The following GRIK1 variants were observed in gnomAD, a reference collection of about 807,000 sequenced individuals.
The protein encoded by GRIK1 is glutamate ionotropic receptor kainate type subunit 1, also known as glutamate receptor ionotropic, kainate 1.
Under a neutral mutation model 105.7 loss-of-function variants are expected in GRIK1, and 69 were observed. The ratio of observed to expected loss-of-function variants is 0.65; its 90% CI spans 0.54 to 0.80. The LOEUF (loss-of-function observed/expected upper bound fraction) is 0.80, where lower values mean the gene tolerates loss of function less well. Among genes scored for constraint, GRIK1 ranks in the 30% least tolerant of loss-of-function variants. GRIK1 has a pLI of 0.00. For synonymous variants in GRIK1, 438 were observed against 431.3 expected, an observed-to-expected ratio of 1.02 and a Z score of -0.19; for missense variants, 1,109 against 1,167.3, an observed-to-expected ratio of 0.95 and a Z score of 0.73.
In GRIK1 at chr21:29,791,588, A is replaced by G. The variant is rs114709292; in HGVS notation, c.119-97525T>C. On this transcript the variant is annotated intron_variant, in intron 1 of 17. Transcript: ENST00000327783. ...CCACGCATGATGTTGAACTGTATGA[A>G]AAGCAAGCCTCAAGACTTTTACTGG... Among the ~76,000 whole-genome samples the G allele has an allele frequency of 4.2e-3, 640 of 152,296 alleles. 4 individuals carry two copies. The highest frequency in any genetic ancestry group is 0.015 in the African/African-American group (612 of 41,562).
intron 1 of GRIK1, among the ~76,000 whole-genome samples, chr21:29,846,421 G>T (rs1455588550): frequency 1.6e-5 from 2 of 126,338 alleles, no homozygotes; most frequent in Non-Finnish European, 3.4e-5. Flanking sequence ...GAGAAAGAAA[G>T]AAAAAAATAA....
intron 1 of GRIK1, among the ~76,000 whole-genome samples, chr21:29,820,071 G>A (rs2067257782): frequency 6.6e-6 from 1 of 151,966 alleles, no homozygotes; most frequent in African/African-American, 2.4e-5. Flanking sequence ...AACAGCAACT[G>A]CAACTGCCAT....
intron 12 of GRIK1, among the ~76,000 whole-genome samples, chr21:29,585,866 C>T (rs78444133): frequency 0.027 from 4,115 of 152,220 alleles, 157 homozygotes; most frequent in African/African-American, 0.085. Context: ...TTAATTGTTT[C>T]GAGCATGGTT....
chr21:29,911,379 C>G (rs1206813306), intron 1 of GRIK1, among the ~76,000 whole-genome samples: 2 of 151,926 alleles, frequency 1.3e-5, no homozygotes, highest in Non-Finnish European at 1.5e-5. Context: ...TCATTGAAGG[C>G]CTTGGAACTG....
intron 1 of GRIK1, among the ~76,000 whole-genome samples, chr21:29,707,013 C>T (rs1033360421): frequency 5.9e-5 from 9 of 152,208 alleles, no homozygotes; most frequent in Admixed American, 2.0e-4. Context: ...TACAGGTGCC[C>T]GCCACCGCGC....
At chr21:29,616,946 T>C (rs558491458) in intron 7 of GRIK1, among the ~76,000 whole-genome samples, 25 of 152,180 alleles carry the variant, frequency 1.6e-4, no homozygotes, top group Non-Finnish European at 3.1e-4. Context: ...TTAGAATAGG[T>C]TGGGCTTGTT....
intron 1 of GRIK1, among the ~76,000 whole-genome samples, chr21:29,730,840 T>G (rs55959992): frequency 0.085 from 12,891 of 152,174 alleles, 1,116 homozygotes; most frequent in African/African-American, 0.21. Flanking sequence ...CTTCAAAAAA[T>G]TCATTAAAAA....
intron 1 of GRIK1, among the ~76,000 whole-genome samples, chr21:29,743,525 G>A (rs968025094): frequency 4.6e-5 from 7 of 151,926 alleles, no homozygotes; most frequent in African/African-American, 1.5e-4. Flanking sequence ...GTGAAACTCC[G>A]TCTGTACTAA....
At position 29,711,691 on chromosome 21, in the gene GRIK1, G is replaced by A. The variant is rs562839157; in HGVS notation, c.119-17628C>T. 2.6e-5 allele frequency among the ~76,000 whole-genome samples: 4 copies of A among 152,016 alleles called. No homozygotes were observed. In the South Asian group the frequency reaches 8.3e-4, roughly 32 times the overall value. On this transcript the variant is annotated intron_variant, in intron 1 of 17. Transcript: ENST00000327783. ...ATTTGTTAAAGCATTGGGTTTGTAG[G>A]TTTACTGCTCTATGTAACTCTGGCT...
intron 1 of GRIK1, among the ~76,000 whole-genome samples, chr21:29,764,617 C>G (rs563448939): frequency 6.6e-6 from 1 of 152,264 alleles, no homozygotes; most frequent in Admixed American, 6.5e-5. Flanking sequence ...CCAAATTCCC[C>G]TAGGCAAGGT....
At chr21:29,792,562 T>G (rs560274173) in intron 1 of GRIK1, among the ~76,000 whole-genome samples, 41 of 152,216 alleles carry the variant, frequency 2.7e-4, no homozygotes, top group Non-Finnish European at 4.1e-4. Flanking sequence ...ACTCCATAAA[T>G]GTATGCTGAA....
At chr21:29,566,583 C>T (rs59640953) in intron 14 of GRIK1, among the ~76,000 whole-genome samples, 7,973 of 152,222 alleles carry the variant, frequency 0.052, 253 homozygotes, top group Admixed American at 0.12. Context: ...CCCTATAATA[C>T]ATTCAAGTTA....
chr21:29,668,340 C>T lies in GRIK1; in HGVS notation c.726+4643G>A, dbSNP rs74791830. 5.2e-3 allele frequency among the ~76,000 whole-genome samples: 789 copies of T among 152,226 alleles called. 8 individuals carry two copies. The highest frequency in any genetic ancestry group is 0.018 in the African/African-American group (762 of 41,524). On this transcript the variant is annotated intron_variant, in intron 4 of 17. Transcript: ENST00000327783. ...ATATAGAGAATGAGAAGGGAGCTTC[C>T]TCTCTTTTATCTCTTAAGAGATATT...
At chr21:29,594,361 A>G (rs1468358308) in intron 9 of GRIK1, among the ~76,000 whole-genome samples, 5 of 152,242 alleles carry the variant, frequency 3.3e-5, no homozygotes, top group Admixed American at 6.5e-5. Flanking sequence ...ACAGAGGTAC[A>G]GTTAAGAAGA....
At chr21:29,877,091 A>T (rs914657389) in intron 1 of GRIK1, among the ~76,000 whole-genome samples, 4 of 152,220 alleles carry the variant, frequency 2.6e-5, no homozygotes, top group African/African-American at 9.6e-5. Flanking sequence ...TCTTTTAGAA[A>T]TCTGTATCTC....
intron 1 of GRIK1, among the ~76,000 whole-genome samples, chr21:29,864,285 A>G (rs1467252711): frequency 1.3e-5 from 2 of 152,130 alleles, no homozygotes; most frequent in Admixed American, 1.3e-4. Context: ...TCTTGGCCAC[A>G]AAAAGTCTGA....
chr21:29,599,458 G>C (rs952455410), intron 7 of GRIK1, among the ~76,000 whole-genome samples: 1 of 152,150 alleles, frequency 6.6e-6, no homozygotes, highest in Admixed American at 6.5e-5. Context: ...TCACAAACGT[G>C]GGTGCTCAAA....
At chr21:29,662,805 TTA>T (rs1568947195) in intron 4 of GRIK1, among the ~76,000 whole-genome samples, 1 of 152,132 alleles carries the variant, frequency 6.6e-6, no homozygotes, top group African/African-American at 2.4e-5. Flanking sequence ...TCTTAGTATA[TTA>T]TTAGAACCAC....
intron 1 of GRIK1, among the ~76,000 whole-genome samples, chr21:29,768,163 G>A (rs930789628): frequency 1.3e-5 from 2 of 152,186 alleles, no homozygotes; most frequent in African/African-American, 2.4e-5. Flanking sequence ...TTATGGGGAA[G>A]ATGTTCTTCA....
Sources: allele counts gnomAD v4.1 joint callset (sites outside exome capture counted in the v4.1 genomes callset), GRCh38; gene constraint gnomAD v4.1.1; transcripts MANE v1.5; gene names NCBI Gene and HGNC (gene_info 2026-07-23, HGNC 2026-07-21).